Variants in IGFL3 observed in about 807,000 individuals in gnomAD.
IGFL3 encodes the protein insulin growth factor-like family member 3.
IGFL3 carries 12 observed loss-of-function variants against 17.0 expected under a neutral mutation model. The observed-to-expected ratio is 0.71, with a 90% CI of 0.45 to 1.14. IGFL3 has a LOEUF of 1.14. Ranked by LOEUF, IGFL3 falls within the 50% of genes most tolerant of loss-of-function variation. The pLI, the probability that IGFL3 is intolerant of heterozygous loss-of-function variation, is 0.00. For missense variants in IGFL3, 153 were observed against 151.6 expected (o/e 1.01, Z -0.05); for synonymous variants, 52 against 57.4 (o/e 0.91, Z 0.42).
At chr19:46,121,745 G>A (rs77783195) in intron 3 of IGFL3, among the ~76,000 whole-genome samples, 4,382 of 150,858 alleles carry the variant, frequency 0.029, 148 homozygotes, top group Middle Eastern at 0.048. Context: ...TTTAGAAAAC[G>A]TAGAAAAATT....
intron 3 of IGFL3, 142 bp from the exon 4 acceptor site, chr19:46,120,499 C>CA: frequency 1.6e-6 from 2 of 1,239,172 alleles, no homozygotes; most frequent in Non-Finnish European, 2.2e-6. Flanking sequence ...CAGAAGGACA[C>CA]AGTCACCATG....
chr19:46,120,497 C>A, intron 3 of IGFL3, 140 bp from the exon 4 acceptor site: 1 of 1,244,584 alleles, frequency 8.0e-7, no homozygotes, highest in Non-Finnish European at 1.1e-6. Flanking sequence ...AACAGAAGGA[C>A]ACAGTCACCA....
At position 46,120,305 on chromosome 19, in the gene IGFL3, C is replaced by T. The variant is rs199913788; in HGVS notation, c.*25G>A. On this transcript the variant is annotated 3_prime_UTR_variant, in exon 4 of 4. Transcript: ENST00000341415. ...CTTCGTCTCTTCTCCCCTTGTCTGC[C>T]GTCTGCCAGTGGAGCCTGGGGTTTT... The T allele has an allele frequency of 1.3e-5, 21 of 1,610,540 alleles. 1 individual carries two copies. The highest frequency in any genetic ancestry group is 9.0e-5 in the East Asian group (4 of 44,292).
In IGFL3 at chr19:46,123,736, T is replaced by TTA; in HGVS notation, c.350+148_350+149dup. Reference sequence around the variant, plus strand: ...CCATGAAGAAAGGCAGACTTATAGCTTATCTGCTTCTTCTTTTTGCTTTCC... The same window carrying TTA: ...CCATGAAGAAAGGCAGACTTATAGCTTATATCTGCTTCTTCTTTTTGCTTTCC... On this transcript the variant is annotated intron_variant, in intron 3 of 3. Coordinates refer to ENST00000341415, the MANE Select transcript of IGFL3 (RefSeq NM_207393.2). The TTA allele has an allele frequency of 8.4e-6, 7 of 838,078 alleles. 1 individual carries two copies. Among genetic ancestry groups the TTA allele is most frequent in the Non-Finnish European group, 1.3e-5 (7 of 536,220 alleles). The allele number at this position is 838,078 out of a possible 1,614,324, so 51.9% of individuals were successfully genotyped here.
Position 46,123,964 on chromosome 19 carries a change from T to C in IGFL3, c.272A>G (p.Gln91Arg). 6.2e-7 allele frequency: 1 copy of C among 1,611,542 alleles called. No homozygotes were observed. Among genetic ancestry groups the C allele is most frequent in the Non-Finnish European group, 8.5e-7 (1 of 1,179,658 alleles). The change falls in exon 3 of 4, where the codon CAG (glutamine) becomes CGG (arginine). Residue 91 changes from glutamine (Q) to arginine (R), a missense_variant. Physicochemically the swap from Gln to Arg is conservative, Grantham distance 43. Coordinates refer to ENST00000341415, the MANE Select transcript of IGFL3 (RefSeq NM_207393.2). ...AACCCTCAACTTCACAAGAAACTTC[T>C]GCTGGGGGCCAAAAGACTCGGGACA... ...LCCPESFGPQ[Q>R]KFLVKLRVLG...
In IGFL3 at chr19:46,124,079, G is replaced by A. The variant is rs756064934; in HGVS notation, c.157C>T (p.Gln53Ter). The A allele has an allele frequency of 1.2e-6, 2 of 1,611,580 alleles. No homozygotes were observed. The highest frequency in any genetic ancestry group is 8.5e-7 in the Non-Finnish European group (1 of 1,179,626). Residue 53 changes from glutamine (Q) to a stop codon, truncating the protein, a stop_gained, in exon 3 of 4, where the codon CAG (glutamine) becomes TAG (stop). Coordinates refer to ENST00000341415, the MANE Select transcript of IGFL3 (RefSeq NM_207393.2). LOFTEE classifies it high-confidence loss of function. The part of the protein sequence containing the change: ...CGNKIYNPSE[Q>*]CCYDDAILSL... ...AAGATGGCATCATCATAACAGCACT[G>A]CTCTGAAGGGTTGTAGATCTTGTTC...
At chr19:46,123,186 T>C (rs1461823579) in intron 3 of IGFL3, among the ~76,000 whole-genome samples, 16 of 150,756 alleles carry the variant, frequency 1.1e-4, no homozygotes. Flanking sequence ...TTAGAAACCA[T>C]AATAAAAGGA....
Position 46,124,067 on chromosome 19 carries a change from C to G in IGFL3, c.169G>C (p.Asp57His). 1.2e-6 allele frequency: 2 copies of G among 1,611,616 alleles called. No homozygotes were observed. The highest frequency in any genetic ancestry group is 1.7e-6 in the Non-Finnish European group (2 of 1,179,686). Reference sequence around the variant, plus strand: ...TCCTTTAAGGATAAGATGGCATCATCATAACAGCACTGCTCTGAAGGGTTG... The same window carrying G: ...TCCTTTAAGGATAAGATGGCATCATGATAACAGCACTGCTCTGAAGGGTTG... ...IYNPSEQCCY[D>H]DAILSLKETR... Residue 57 changes from aspartate to histidine, a missense_variant, in exon 3 of 4, where the codon GAT becomes CAT. Transcript: ENST00000341415.
intron 3 of IGFL3, 41 bp from the exon 4 acceptor site, chr19:46,120,398 A>G (rs1367679031): frequency 6.2e-7 from 1 of 1,609,026 alleles, no homozygotes; most frequent in Non-Finnish European, 8.5e-7. Flanking sequence ...AACAACATAT[A>G]TTCTCAGGAA....
chr19:46,120,521 A>G (rs991979624), intron 3 of IGFL3, among the ~76,000 whole-genome samples, 164 bp from the exon 4 acceptor site: 6 of 151,088 alleles, frequency 4.0e-5, no homozygotes, highest in Non-Finnish European at 5.9e-5. Flanking sequence ...AAAAGCAGGA[A>G]GATAGGACAC....
Position 46,124,089 on chromosome 19 carries a change from G to T in IGFL3, c.147C>A (p.Asn49Lys). 6.2e-7 allele frequency: 1 copy of T among 1,611,488 alleles called. No homozygotes were observed. The stretch of plus-strand genomic sequence containing the variant: ...CATCATAACAGCACTGCTCTGAAGG[G>T]TTGTAGATCTTGTTCCCACACCTGG... Reference protein sequence around the residue: ...PTPRCGNKIYNPSEQCCYDDA... With the variant: ...PTPRCGNKIYKPSEQCCYDDA... Residue 49 changes from asparagine to lysine, a missense_variant, in exon 3 of 4, where the codon AAC becomes AAA. By Grantham distance (94) the Asn-to-Lys change is moderately conservative. Transcript: ENST00000341415.
chr19:46,123,713 A>G (rs1971913939), intron 3 of IGFL3, among the ~76,000 whole-genome samples, 173 bp downstream of exon 3: 1 of 150,880 alleles, frequency 6.6e-6, no homozygotes, highest in Admixed American at 6.6e-5. Flanking sequence ...GTCCTCGACC[A>G]TGAAGAAAGG....
Position 46,120,271 on chromosome 19 carries a change from G to A in IGFL3, c.*59C>T. On this transcript the variant is annotated 3_prime_UTR_variant, in exon 4 of 4. Coordinates refer to ENST00000341415, the MANE Select transcript of IGFL3 (RefSeq NM_207393.2). Reference sequence around the variant, plus strand: ...CCGAAGTTCAACTGTAGTCTCCGATGTCCAGCTGCTTCGTCTCTTCTCCCC... The same window carrying A: ...CCGAAGTTCAACTGTAGTCTCCGATATCCAGCTGCTTCGTCTCTTCTCCCC... The A allele has an allele frequency of 6.2e-7, 1 of 1,607,646 alleles. No individual in the cohort carries two copies. Among genetic ancestry groups the A allele is most frequent in the Non-Finnish European group, 8.5e-7 (1 of 1,178,232 alleles).
In IGFL3 at chr19:46,124,256, T is replaced by G. The variant is rs768239907; in HGVS notation, c.79+12A>C. 11 of 1,610,234 alleles carry G rather than the reference T, an allele frequency of 6.8e-6. 3 individuals carry two copies. In the African/African-American group the frequency reaches 1.5e-4, roughly 22 times the overall value. On this transcript the variant is annotated intron_variant, in intron 2 of 3. Transcript: ENST00000341415. ...CCTCTTCCCTCCTCATTTTTCCCTG[T>G]CCTGTCCTTACCTGTAGTTCCTTTT...
rs1279500592 is a variant in IGFL3, at chr19:46,120,636, A to G, written c.351-279T>C. On this transcript the variant is annotated intron_variant, in intron 3 of 3. Transcript: ENST00000341415. The stretch of plus-strand genomic sequence containing the variant: ...AAATATTGATCTTAAAGAAAATGCA[A>G]TGCAATAGAAATCTGAAAACCAATA... Among the ~76,000 whole-genome samples the G allele has an allele frequency of 1.3e-5, 2 of 151,078 alleles. 1 individual carries two copies. Among genetic ancestry groups the G allele is most frequent in the African/African-American group, 4.9e-5 (2 of 40,738 alleles).
chr19:46,124,586 A>G (rs1971987396), intron 1 of IGFL3, 39 bp downstream of exon 1: 3 of 1,575,704 alleles, frequency 1.9e-6, no homozygotes, highest in Admixed American at 1.7e-5. Flanking sequence ...TGCACTGGGA[A>G]TGAGATGAGA....
chr19:46,124,606 G>A lies in IGFL3; in HGVS notation c.25+19C>T, dbSNP rs774511759. 1.1e-5 allele frequency: 18 copies of A among 1,601,554 alleles called. No homozygotes were observed. Among genetic ancestry groups the A allele is most frequent in the Non-Finnish European group, 1.5e-5 (18 of 1,171,338 alleles). ...TGGGAATGAGATGAGATGATGTTTG[G>A]ATTTGGGGTCCTACTTGCCCAAGAT... On this transcript the variant is annotated intron_variant, in intron 1 of 3. Coordinates refer to ENST00000341415, the MANE Select transcript of IGFL3 (RefSeq NM_207393.2).
intron 3 of IGFL3, among the ~76,000 whole-genome samples, chr19:46,123,556 C>T (rs1354289175): frequency 1.3e-5 from 2 of 150,658 alleles, no homozygotes; most frequent in Admixed American, 6.6e-5. Flanking sequence ...AGAAGCAAAA[C>T]ATCTTTGTCT....
In IGFL3 at chr19:46,120,333, T is replaced by A; in HGVS notation, c.375A>T (p.Pro125=). ...CTRNRRHVLY[P] The stretch of plus-strand genomic sequence containing the variant: ...CTGCCAGTGGAGCCTGGGGTTTTTA[T>A]GGGTACAGGACGTGCCTCCTGTTCC... The change falls in exon 4 of 4, where the codon CCA becomes CCT. Residue 125 remains proline (P), a synonymous_variant. Coordinates refer to ENST00000341415, the MANE Select transcript of IGFL3 (RefSeq NM_207393.2). The A allele has an allele frequency of 6.2e-7, 1 of 1,611,156 alleles. No homozygotes were observed. The highest frequency in any genetic ancestry group is 8.5e-7 in the Non-Finnish European group (1 of 1,179,554).
Sources: gnomAD v4.1 joint callset for allele counts (sites outside exome capture counted in the v4.1 genomes callset) on GRCh38, gnomAD v4.1.1 for gene constraint, MANE v1.5 for transcripts, NCBI Gene and HGNC (gene_info 2026-07-23, HGNC 2026-07-21) for gene names.